OLA1: variants seen among roughly 807,000 people sequenced by gnomAD.
OLA1 encodes obg-like ATPase 1.
Under a neutral mutation model 48.4 loss-of-function variants are expected in OLA1, and 14 were observed. The ratio of observed to expected loss-of-function variants is 0.29; its 90% CI spans 0.19 to 0.45. OLA1 has a LOEUF of 0.45. Ranked by LOEUF, OLA1 falls within the 20% of genes least tolerant of loss-of-function variation. The pLI is 1.00. For missense variants in OLA1, 325 were observed against 467.1 expected (o/e 0.70, Z 2.80); for synonymous variants, 127 against 150.4 (o/e 0.84, Z 1.14).
intron 7 of OLA1, among the ~76,000 whole-genome samples, chr2:174,104,163 A>AC (rs1278769968): frequency 1.3e-5 from 2 of 151,704 alleles, no homozygotes; most frequent in East Asian, 1.9e-4. Flanking sequence ...TAAAAAAAAA[A>AC]ACACAACACT....
chr2:174,214,925 C>A (rs1688328717), intron 4 of OLA1, among the ~76,000 whole-genome samples: 1 of 151,984 alleles, frequency 6.6e-6, no homozygotes, highest in East Asian at 1.9e-4. Flanking sequence ...TGGCAGGTGA[C>A]TGGAATTCCA....
At chr2:174,140,203 C>G (rs533876005) in intron 5 of OLA1, among the ~76,000 whole-genome samples, 10 of 152,246 alleles carry the variant, frequency 6.6e-5, no homozygotes, top group Admixed American at 2.6e-4. Context: ...ACCTGCCTAT[C>G]TTTCTCATAA....
chr2:174,221,274 C>G (rs201566872), intron 4 of OLA1, among the ~76,000 whole-genome samples: 8 of 150,244 alleles, frequency 5.3e-5, no homozygotes, highest in Admixed American at 4.0e-4. Context: ...TTTCCCCCCC[C>G]ACAAGGGTTA....
intron 7 of OLA1, among the ~76,000 whole-genome samples, chr2:174,091,454 T>C (rs1685111770): frequency 6.6e-6 from 1 of 152,254 alleles, no homozygotes; most frequent in Non-Finnish European, 1.5e-5. Context: ...GACTCTAAAG[T>C]TCACTGGTTA....
At position 174,223,067 on chromosome 2, in the gene OLA1, A is replaced by G. The variant is rs1688541603; in HGVS notation, c.339T>C (p.His113=). Residue 113 remains histidine (H), a synonymous_variant, in exon 4 of 11, where the codon CAT becomes CAC. Transcript: ENST00000284719. ...GAAAGATGCCATCACAGGCACTAATATGAGATAAAAAAGCATTCCCCAGGC... is the reference window on the plus strand; with the variant it reads ...GAAAGATGCCATCACAGGCACTAATGTGAGATAAAAAAGCATTCCCCAGGC... The part of the protein sequence containing the change: ...GQGLGNAFLS[H]ISACDGIFHL... The G allele has an allele frequency of 2.5e-6, 4 of 1,613,712 alleles. No individual in the cohort carries two copies. Among genetic ancestry groups the G allele is most frequent in the Non-Finnish European group, 3.4e-6 (4 of 1,179,842 alleles).
At chr2:174,163,582 C>A (rs894331503) in intron 4 of OLA1, among the ~76,000 whole-genome samples, 2 of 150,296 alleles carry the variant, frequency 1.3e-5, no homozygotes, top group African/African-American at 4.9e-5. Flanking sequence ...CCCAGCTACT[C>A]GGGAGGCTGA....
chr2:174,211,748 C>T (rs1688248944), intron 4 of OLA1, among the ~76,000 whole-genome samples: 1 of 152,036 alleles, frequency 6.6e-6, no homozygotes, highest in South Asian at 2.1e-4. Flanking sequence ...GCTTGGCTGT[C>T]CAATACTGTA....
Position 174,114,341 on chromosome 2 carries a change from C to CAA in OLA1, c.728+8837_728+8838dup, listed in dbSNP as rs76471043. On this transcript the variant is annotated intron_variant, in intron 7 of 10. Coordinates refer to ENST00000284719, the MANE Select transcript of OLA1 (RefSeq NM_013341.5). ...TGGGCGACAGAGCAAGACTCCGCCT[C>CAA]AAAAAAAAAAAAAAAAAAAAAAAAA... 8.1e-4 allele frequency among the ~76,000 whole-genome samples: 49 copies of CAA among 60,640 alleles called. 3 individuals carry two copies. Among genetic ancestry groups the CAA allele is most frequent in the African/African-American group, 2.1e-3 (24 of 11,240 alleles). The allele number at this position is 60,640 out of a possible 152,430, so 39.8% of individuals were successfully genotyped here. A position where few individuals can be genotyped will look rare whatever the true frequency, so the allele number is the denominator to read the frequency against.
intron 4 of OLA1, among the ~76,000 whole-genome samples, chr2:174,206,384 C>CA (rs1688114945): frequency 2.6e-5 from 4 of 151,732 alleles, no homozygotes; most frequent in Admixed American, 2.0e-4. Context: ...AACAAACAAA[C>CA]AAACAAAAAA....
At chr2:174,210,563 C>T (rs1688218591) in intron 4 of OLA1, among the ~76,000 whole-genome samples, 1 of 152,060 alleles carries the variant, frequency 6.6e-6, no homozygotes, top group Non-Finnish European at 1.5e-5. Context: ...GGTGTAAACA[C>T]ATAATTAAAT....
At chr2:174,213,573 T>C (rs564096105) in intron 4 of OLA1, among the ~76,000 whole-genome samples, 1 of 152,198 alleles carries the variant, frequency 6.6e-6, no homozygotes, top group African/African-American at 2.4e-5. Flanking sequence ...AATAGTAAGT[T>C]ATATTGCTTC....
intron 4 of OLA1, among the ~76,000 whole-genome samples, chr2:174,198,210 C>T (rs1159238782): frequency 1.3e-5 from 2 of 152,224 alleles, no homozygotes; most frequent in Non-Finnish European, 2.9e-5. Context: ...ATCCGCCTGC[C>T]TTGGCCTCCC....
At chr2:174,170,822 T>C (rs10167547) in intron 4 of OLA1, among the ~76,000 whole-genome samples, 42,589 of 152,046 alleles carry the variant, frequency 0.28, 6,707 homozygotes, top group African/African-American at 0.44. Context: ...GAGGATTGCC[T>C]GAGCCCAGAA....
At chr2:174,141,457 A>C (rs1010105492) in intron 5 of OLA1, among the ~76,000 whole-genome samples, 1 of 152,220 alleles carries the variant, frequency 6.6e-6, no homozygotes, top group African/African-American at 2.4e-5. Context: ...CCCTATGGAG[A>C]ACCAGGTCTT....
At chr2:174,205,390 A>G (rs184192916) in intron 4 of OLA1, among the ~76,000 whole-genome samples, 24 of 152,300 alleles carry the variant, frequency 1.6e-4, no homozygotes, top group Non-Finnish European at 2.9e-4. Flanking sequence ...CATTGAGTTA[A>G]TTGGAAGATA....
chr2:174,104,153 TA>T (rs59961287), intron 7 of OLA1, among the ~76,000 whole-genome samples: 9 of 147,222 alleles, frequency 6.1e-5, no homozygotes, highest in Non-Finnish European at 9.0e-5. Flanking sequence ...AAATACAAAT[TA>T]AAAAAAAAAA....
intron 5 of OLA1, among the ~76,000 whole-genome samples, chr2:174,127,585 C>T (rs946698930): frequency 1.3e-5 from 2 of 152,092 alleles, no homozygotes; most frequent in African/African-American, 4.8e-5. Flanking sequence ...TTCCTTACCA[C>T]CCTGAAACTG....
chr2:174,231,012 G>T (rs746573673), intron 2 of OLA1, among the ~76,000 whole-genome samples: 13 of 152,228 alleles, frequency 8.5e-5, no homozygotes, highest in Non-Finnish European at 1.3e-4. Context: ...GAAAGCTGAT[G>T]CTGAAGGAGA....
At chr2:174,222,175 C>A (rs1688520331) in intron 4 of OLA1, among the ~76,000 whole-genome samples, 1 of 152,082 alleles carries the variant, frequency 6.6e-6, no homozygotes, top group African/African-American at 2.4e-5. Flanking sequence ...CTTATGCAAA[C>A]CACAGAGGTA....
Sources: gnomAD v4.1 joint callset for allele counts (sites outside exome capture counted in the v4.1 genomes callset) on GRCh38, gnomAD v4.1.1 for gene constraint, MANE v1.5 for transcripts, NCBI Gene and HGNC (gene_info 2026-07-23, HGNC 2026-07-21) for gene names.